Variants in LRRC4C observed in about 807,000 individuals in gnomAD.
LRRC4C encodes the protein leucine-rich repeat-containing protein 4C.
In LRRC4C, 5 loss-of-function variants were observed where a neutral mutation model predicts 33.6. That is an observed-to-expected ratio of 0.15 (90% CI 0.08 to 0.31). The LOEUF is 0.31. LRRC4C is among the 10% of genes least tolerant of loss of function. The pLI, the probability that LRRC4C is intolerant of heterozygous loss-of-function variation, is 1.00. For synonymous variants in LRRC4C, 329 were observed against 302.0 expected (o/e 1.09, Z -0.93); for missense variants, 560 against 796.7 (o/e 0.70, Z 3.58).
At chr11:40,294,051 G>A (rs1474788793) in intron 4 of LRRC4C, 1 of 152,300 alleles carries the variant, frequency 6.6e-6, no homozygotes, top group Non-Finnish European at 1.5e-5. Flanking sequence ...TGACGCTTAG[G>A]GTCCTAGCTT....
At chr11:41,452,363 T>C (rs572067914) in intron 1 of LRRC4C, among the ~76,000 whole-genome samples, 1 of 152,256 alleles carries the variant, frequency 6.6e-6, no homozygotes, top group East Asian at 1.9e-4. Context: ...AATAGATATG[T>C]AAAGGAACAG....
intron 3 of LRRC4C, among the ~76,000 whole-genome samples, chr11:40,326,585 C>T (rs1946116875): frequency 6.6e-6 from 1 of 151,540 alleles, no homozygotes; most frequent in Non-Finnish European, 1.5e-5. Flanking sequence ...GTCTACATGC[C>T]TGTGTGTTGT....
At chr11:41,320,078 CTG>C (rs1350028503) in intron 1 of LRRC4C, among the ~76,000 whole-genome samples, 2 of 152,080 alleles carry the variant, frequency 1.3e-5, no homozygotes, top group African/African-American at 4.8e-5. Flanking sequence ...GGTAACCAAT[CTG>C]TCTTTTTATT....
chr11:41,169,210 A>G (rs1944862676), intron 1 of LRRC4C, among the ~76,000 whole-genome samples: 1 of 152,188 alleles, frequency 6.6e-6, no homozygotes, highest in African/African-American at 2.4e-5. Flanking sequence ...TGCTTATGCC[A>G]TTTCTTATTT....
chr11:40,322,102 T>A (rs1470233619), intron 3 of LRRC4C, among the ~76,000 whole-genome samples: 1 of 152,092 alleles, frequency 6.6e-6, no homozygotes, highest in Non-Finnish European at 1.5e-5. Context: ...TCACTAAATG[T>A]TATACTGCAC....
intron 3 of LRRC4C, among the ~76,000 whole-genome samples, chr11:40,369,215 G>T (rs571238388): frequency 1.3e-5 from 2 of 152,170 alleles, no homozygotes; most frequent in South Asian, 4.1e-4. Flanking sequence ...TATGAGATAG[G>T]GGTTGGAATC....
chr11:40,631,984 GA>G (rs1192910290), intron 3 of LRRC4C, among the ~76,000 whole-genome samples: 1 of 152,132 alleles, frequency 6.6e-6, no homozygotes, highest in African/African-American at 2.4e-5. Flanking sequence ...ACTTGAAGCA[GA>G]TATTATTAAC....
chr11:41,427,901 T>TC (rs1347536632), intron 1 of LRRC4C, among the ~76,000 whole-genome samples: 1 of 151,636 alleles, frequency 6.6e-6, no homozygotes, highest in African/African-American at 2.4e-5. Flanking sequence ...GCTCAAAAGC[T>TC]CCCCCACTGA....
chr11:41,348,396 A>AATAAG (rs1171749659), intron 1 of LRRC4C, among the ~76,000 whole-genome samples: 1 of 151,630 alleles, frequency 6.6e-6, no homozygotes, highest in Non-Finnish European at 1.5e-5. Flanking sequence ...AAAATAATAA[A>AATAAG]ATAAAAACAC....
intron 3 of LRRC4C, among the ~76,000 whole-genome samples, chr11:40,608,755 G>A (rs2135865126): frequency 6.6e-6 from 1 of 152,082 alleles, no homozygotes; most frequent in East Asian, 1.9e-4. Flanking sequence ...CATGCAAATG[G>A]TAACCAAAAA....
chr11:41,260,153 T>C (rs1378153667), intron 1 of LRRC4C, among the ~76,000 whole-genome samples: 4 of 152,076 alleles, frequency 2.6e-5, no homozygotes, highest in Non-Finnish European at 4.4e-5. Context: ...TCGTCTGTCA[T>C]TAACTACTTG....
At chr11:41,022,142 TTATATATATA>T (rs142909883) in intron 1 of LRRC4C, among the ~76,000 whole-genome samples, 31 of 139,080 alleles carry the variant, frequency 2.2e-4, no homozygotes, top group Non-Finnish European at 3.1e-4. Context: ...CAATTTTGTT[TTATATATATA>T]TATATATATA....
At chr11:40,871,631 C>T (rs975105784) in intron 2 of LRRC4C, among the ~76,000 whole-genome samples, 1 of 152,092 alleles carries the variant, frequency 6.6e-6, no homozygotes. Flanking sequence ...TTCCACACTA[C>T]ATCCAAATGG....
intron 1 of LRRC4C, among the ~76,000 whole-genome samples, chr11:41,301,906 T>C (rs1475419944): frequency 6.6e-6 from 1 of 152,238 alleles, no homozygotes; most frequent in Non-Finnish European, 1.5e-5. Context: ...CTTTCCCAGT[T>C]GTTTACTGTA....
At chr11:41,311,216 A>G (rs929377624) in intron 1 of LRRC4C, among the ~76,000 whole-genome samples, 1 of 152,120 alleles carries the variant, frequency 6.6e-6, no homozygotes, top group Non-Finnish European at 1.5e-5. Flanking sequence ...TTCATTTTGG[A>G]CAGTAGTTCT....
intron 1 of LRRC4C, among the ~76,000 whole-genome samples, chr11:41,155,127 T>G (rs1174341483): frequency 2.0e-5 from 3 of 152,146 alleles, no homozygotes; most frequent in African/African-American, 7.2e-5. Flanking sequence ...GAGCTTTACC[T>G]CTGGAGCAGC....
At chr11:40,941,421 C>T (rs1377068967) in intron 1 of LRRC4C, among the ~76,000 whole-genome samples, 2 of 152,038 alleles carry the variant, frequency 1.3e-5, no homozygotes, top group Non-Finnish European at 2.9e-5. Flanking sequence ...TTTTGAAGTG[C>T]TCAAAGTGAT....
intron 1 of LRRC4C, among the ~76,000 whole-genome samples, chr11:41,167,674 A>G (rs893385666): frequency 7.9e-5 from 12 of 152,172 alleles, no homozygotes; most frequent in African/African-American, 2.7e-4. Flanking sequence ...TGGCCCAAAT[A>G]CAGAAAAGTG....
chr11:40,788,831 C>T (rs1950516192), intron 2 of LRRC4C, among the ~76,000 whole-genome samples: 1 of 152,096 alleles, frequency 6.6e-6, no homozygotes, highest in African/African-American at 2.4e-5. Context: ...CGGTGGCTCA[C>T]GCCTTAATCC....
Sources: gnomAD v4.1 joint callset for allele counts (sites outside exome capture counted in the v4.1 genomes callset) on GRCh38, gnomAD v4.1.1 for gene constraint, MANE v1.5 for transcripts, NCBI Gene and HGNC (gene_info 2026-07-23, HGNC 2026-07-21) for gene names.